Variants in TGM3 observed in about 807,000 individuals in gnomAD.
TGM3 encodes the protein transglutaminase 3.
In TGM3, 52 loss-of-function variants were observed where a neutral mutation model predicts 73.8. That is an observed-to-expected ratio of 0.70 (90% CI 0.56 to 0.89). TGM3 has a LOEUF of 0.89. Among genes scored for constraint, TGM3 ranks in the 40% least tolerant of loss-of-function variants. The pLI is 0.00. For missense variants in TGM3, 928 were observed against 909.9 expected (o/e 1.02, Z -0.26); for synonymous variants, 372 against 354.9 (o/e 1.05, Z -0.54).
chr20:2,329,277 C>T (rs989043844), intron 9 of TGM3, among the ~76,000 whole-genome samples: 1 of 152,096 alleles, frequency 6.6e-6, no homozygotes, highest in Non-Finnish European at 1.5e-5. Context: ...CTCTAAGTGA[C>T]GGTTGGCTAA....
In TGM3 at chr20:2,332,108, G is replaced by A. The variant is rs774292776; in HGVS notation, c.1440G>A (p.Glu480=). The A allele has an allele frequency of 3.0e-5, 48 of 1,614,098 alleles. No homozygotes were observed. Among genetic ancestry groups the A allele is most frequent in the Non-Finnish European group, 3.9e-5 (46 of 1,180,052 alleles). Reference sequence around the variant, plus strand: ...TGGGTTTGGAAACAGAGGAACAGGAGCCCAGCATCATCGGGAAGCTGAAGG... The same window carrying A: ...TGGGTTTGGAAACAGAGGAACAGGAACCCAGCATCATCGGGAAGCTGAAGG... ...SSMGLETEEQ[E]PSIIGKLKVA... Residue 480 remains glutamate (E), a synonymous_variant, in exon 10 of 13, where the codon GAG becomes GAA. Transcript: ENST00000381458. This position sits in a 1 kb window ranked among gnomAD's most constrained non-coding sequence, Gnocchi z 4.4.
Position 2,335,230 on chromosome 20 carries a change from T to C in TGM3, c.1757T>C (p.Val586Ala), listed in dbSNP as rs750294060. ...CKVPDESEVV[V>A]ERDIILDNPT... ...GTCCCAGATGAGTCTGAGGTGGTGG[T>C]GGAGCGGGACATCATCCTGGACAAC... The change falls in exon 11 of 13, where the codon GTG becomes GCG. Residue 586 changes from valine to alanine, a missense_variant. Physicochemically the swap from Val to Ala is moderately conservative, Grantham distance 64 (BLOSUM62 0). Coordinates refer to ENST00000381458, the MANE Select transcript of TGM3 (RefSeq NM_003245.4). The C allele has an allele frequency of 1.2e-6, 2 of 1,614,136 alleles. No individual in the cohort carries two copies. The highest frequency in any genetic ancestry group is 1.7e-6 in the Non-Finnish European group (2 of 1,180,008).
intron 7 of TGM3, among the ~76,000 whole-genome samples, chr20:2,320,231 A>G (rs896687692): frequency 6.6e-6 from 1 of 152,268 alleles, no homozygotes; most frequent in African/African-American, 2.4e-5. Flanking sequence ...CTAAAGTAAT[A>G]GAATGTGAGA....
chr20:2,326,692 T>C (rs983060351), intron 8 of TGM3, among the ~76,000 whole-genome samples: 2 of 151,940 alleles, frequency 1.3e-5, no homozygotes, highest in Non-Finnish European at 2.9e-5. Flanking sequence ...CTAGTAAAAA[T>C]ACAAAATTAG....
At chr20:2,300,472 G>A (rs1341302822) in intron 1 of TGM3, among the ~76,000 whole-genome samples, 1 of 152,142 alleles carries the variant, frequency 6.6e-6, no homozygotes, top group African/African-American at 2.4e-5. Flanking sequence ...CTGACCATAG[G>A]GTGTCTAGGC....
At chr20:2,317,520 C>T (rs1421613791) in intron 7 of TGM3, 35 bp downstream of exon 7, 3 of 1,612,184 alleles carry the variant, frequency 1.9e-6, no homozygotes, top group Non-Finnish European at 2.5e-6. Context: ...ACTTCGAGCA[C>T]CACATTTGAG....
chr20:2,323,003 T>C (rs934000247), intron 7 of TGM3, among the ~76,000 whole-genome samples: 2 of 152,256 alleles, frequency 1.3e-5, no homozygotes, highest in African/African-American at 4.8e-5. Flanking sequence ...ATGTTTTATG[T>C]ATAATTTTTT....
chr20:2,340,768 C>T lies in TGM3; in HGVS notation c.*187C>T. The T allele has an allele frequency of 1.3e-6, 1 of 780,692 alleles. No homozygotes were observed. Among genetic ancestry groups the T allele is most frequent in the South Asian group, 1.5e-5 (1 of 67,956 alleles). 48.4% of individuals were successfully genotyped at this position (780,692 alleles called of 1,614,324 possible). On this transcript the variant is annotated 3_prime_UTR_variant, in exon 13 of 13. Transcript: ENST00000381458. Reference sequence around the variant, plus strand: ...TCCCCCAGGTTGGGGCTGGGTCCACCCTGTCCTATGACTTGATCACTTTTG... The same window carrying T: ...TCCCCCAGGTTGGGGCTGGGTCCACTCTGTCCTATGACTTGATCACTTTTG...
chr20:2,316,958 C>A (rs868281515), intron 5 of TGM3, 110 bp from the exon 6 acceptor site: 4 of 1,271,904 alleles, frequency 3.1e-6, no homozygotes, highest in Middle Eastern at 2.8e-4. Context: ...TCAATCATGG[C>A]CTTTGGCTTC....
At chr20:2,300,996 A>G (rs182980674) in intron 1 of TGM3, among the ~76,000 whole-genome samples, 2 of 152,224 alleles carry the variant, frequency 1.3e-5, no homozygotes, top group East Asian at 3.9e-4. Context: ...AGTACAATTC[A>G]GAGACATTGA....
Position 2,334,880 on chromosome 20 carries a change from C to T in TGM3, c.1643-236C>T, listed in dbSNP as rs531255029. 1.3e-5 allele frequency among the ~76,000 whole-genome samples: 2 copies of T among 152,358 alleles called. No individual in the cohort carries two copies. Among genetic ancestry groups the T allele is most frequent in the African/African-American group, 2.4e-5 (1 of 41,586 alleles). On this transcript the variant is annotated intron_variant, in intron 10 of 12. Coordinates refer to ENST00000381458, the MANE Select transcript of TGM3 (RefSeq NM_003245.4). This position sits in a 1 kb window ranked among gnomAD's most constrained non-coding sequence, Gnocchi z 4.0. ...TATCTTTAGCCCCTGTGAGCCCATC[C>T]TCCTGGGAATCTGCCCAGCCAGAGA... is the stretch of plus-strand genomic sequence containing the variant.
At chr20:2,335,665 C>T (rs140856010) in intron 11 of TGM3, among the ~76,000 whole-genome samples, 1 of 152,254 alleles carries the variant, frequency 6.6e-6, no homozygotes, top group Non-Finnish European at 1.5e-5. Context: ...TGTTCTGGGC[C>T]ATGCCAGGCT....
intron 8 of TGM3, 128 bp from the exon 9 acceptor site, chr20:2,327,988 ACAGT>A: frequency 7.7e-7 from 1 of 1,300,296 alleles, no homozygotes; most frequent in Non-Finnish European, 1.1e-6. Context: ...AGTGGGACAC[ACAGT>A]CAGGGGTGAA....
At chr20:2,297,097 C>T (rs1321097856) in intron 1 of TGM3, among the ~76,000 whole-genome samples, 1 of 152,170 alleles carries the variant, frequency 6.6e-6, no homozygotes, top group African/African-American at 2.4e-5. Flanking sequence ...GCTCTGGACC[C>T]TACACACTGC....
intron 9 of TGM3, among the ~76,000 whole-genome samples, chr20:2,329,997 G>C (rs1249771524): frequency 6.6e-6 from 1 of 151,896 alleles, no homozygotes; most frequent in East Asian, 1.9e-4. Context: ...TTGATCTCTG[G>C]CTGTCTCAGC....
chr20:2,328,922 G>A lies in TGM3; in HGVS notation c.1333+557G>A, dbSNP rs756845852. On this transcript the variant is annotated intron_variant, in intron 9 of 12. Coordinates refer to ENST00000381458, the MANE Select transcript of TGM3 (RefSeq NM_003245.4). This position sits in a 1 kb window ranked among gnomAD's most constrained non-coding sequence, Gnocchi z 5.2. ...AAATCTCAGGCATGCTACATTGCTCGTCCCCCTGAAGTCACCTTGGAAAGC... is the reference window on the plus strand; with the variant it reads ...AAATCTCAGGCATGCTACATTGCTCATCCCCCTGAAGTCACCTTGGAAAGC... Among the ~76,000 whole-genome samples the A allele has an allele frequency of 7.2e-5, 11 of 152,314 alleles. No individual in the cohort carries two copies. The highest frequency in any genetic ancestry group is 2.1e-4 in the South Asian group (1 of 4,824).
chr20:2,314,353 A>T (rs2084222355), intron 5 of TGM3, among the ~76,000 whole-genome samples: 1 of 152,090 alleles, frequency 6.6e-6, no homozygotes, highest in Non-Finnish European at 1.5e-5. Context: ...ATTCATCCAG[A>T]ATATCTAAAC....
chr20:2,310,458 C>T, intron 3 of TGM3, 41 bp downstream of exon 3: 1 of 1,598,752 alleles, frequency 6.3e-7, no homozygotes. Context: ...CTGGCCTAAG[C>T]TAGAAAAGAA....
At chr20:2,299,194 C>T (rs137952005) in intron 1 of TGM3, among the ~76,000 whole-genome samples, 4 of 152,132 alleles carry the variant, frequency 2.6e-5, no homozygotes, top group South Asian at 2.1e-4. Context: ...TTGCAGTATC[C>T]ACCTCATGGG....
Sources: gnomAD v4.1 joint callset for allele counts (sites outside exome capture counted in the v4.1 genomes callset) on GRCh38, gnomAD v4.1.1 for gene constraint, Gnocchi (gnomAD v3.1) non-coding constraint, MANE v1.5 for transcripts, NCBI Gene and HGNC (gene_info 2026-07-23, HGNC 2026-07-21) for gene names.